Variants in TCF12 observed in about 807,000 individuals in gnomAD.
The protein encoded by TCF12 is DNA-binding protein HTF4.
In TCF12, 45 loss-of-function variants were observed where a neutral mutation model predicts 86.0. The ratio of observed to expected loss-of-function variants is 0.52; its 90% CI spans 0.41 to 0.67. The LOEUF (loss-of-function observed/expected upper bound fraction) is 0.67, where lower values mean the gene tolerates loss of function less well. Ranked by LOEUF, TCF12 falls within the 30% of genes least tolerant of loss-of-function variation. The pLI is 0.00. For synonymous variants in TCF12, 330 were observed against 299.6 expected (o/e 1.10, Z -1.05); for missense variants, 881 against 859.9 (o/e 1.02, Z -0.31).
At chr15:57,159,428 G>A (rs1222316628) in intron 5 of TCF12, among the ~76,000 whole-genome samples, 3 of 152,098 alleles carry the variant, frequency 2.0e-5, no homozygotes, top group Non-Finnish European at 4.4e-5. Context: ...GGTTCTCCAC[G>A]AGCAAAAAGG....
At chr15:57,268,638 C>A (rs1436648881) in intron 18 of TCF12, among the ~76,000 whole-genome samples, 1 of 152,096 alleles carries the variant, frequency 6.6e-6, no homozygotes. Flanking sequence ...TTTCAAGGTT[C>A]TGAGAAGCTG....
At chr15:57,241,447 C>A (rs1442673218) in intron 12 of TCF12, among the ~76,000 whole-genome samples, 1 of 152,060 alleles carries the variant, frequency 6.6e-6, no homozygotes, top group African/African-American at 2.4e-5. Flanking sequence ...GTGTTTTGAA[C>A]TCTTTTCCAT....
intron 19 of TCF12, among the ~76,000 whole-genome samples, chr15:57,278,209 T>C (rs537376739): frequency 1.3e-5 from 2 of 152,172 alleles, no homozygotes; most frequent in African/African-American, 2.4e-5. Flanking sequence ...ACAAATGTTA[T>C]AGAATCCAGG....
intron 8 of TCF12, chr15:57,219,185 G>A: frequency 9.2e-7 from 1 of 1,085,160 alleles, no homozygotes; most frequent in East Asian, 4.7e-5. Flanking sequence ...ATGTATATAT[G>A]AGACAAATCT....
At chr15:57,033,713 A>T (rs1567291424) in intron 3 of TCF12, among the ~76,000 whole-genome samples, 1 of 152,214 alleles carries the variant, frequency 6.6e-6, no homozygotes. Flanking sequence ...ATGATATATT[A>T]GTAAAAATTA....
chr15:57,057,730 G>A (rs773018770), intron 3 of TCF12, among the ~76,000 whole-genome samples: 8 of 152,166 alleles, frequency 5.3e-5, no homozygotes, highest in Non-Finnish European at 1.2e-4. Flanking sequence ...GCACAGGATG[G>A]ACATGATTTG....
intron 13 of TCF12, among the ~76,000 whole-genome samples, chr15:57,248,863 T>C (rs1226776049): frequency 6.6e-6 from 1 of 152,230 alleles, no homozygotes; most frequent in Non-Finnish European, 1.5e-5. Context: ...CACATCTTGA[T>C]TCCTCAATAT....
At chr15:57,179,234 C>T (rs987389779) in intron 6 of TCF12, among the ~76,000 whole-genome samples, 1 of 152,118 alleles carries the variant, frequency 6.6e-6, no homozygotes, top group Non-Finnish European at 1.5e-5. Context: ...TGCCTGTAAT[C>T]CCAGCATTTT....
intron 3 of TCF12, among the ~76,000 whole-genome samples, chr15:56,946,849 G>T (rs889023190): frequency 2.2e-5 from 3 of 136,712 alleles, no homozygotes; most frequent in Non-Finnish European, 4.6e-5. Flanking sequence ...TGCCCATGCT[G>T]GAGTGTACCA....
intron 4 of TCF12, among the ~76,000 whole-genome samples, chr15:57,089,955 C>T (rs1288154624): frequency 3.9e-5 from 6 of 152,138 alleles, no homozygotes; most frequent in Non-Finnish European, 8.8e-5. Flanking sequence ...TGGCTCAGGC[C>T]TGTAATTCCA....
intron 3 of TCF12, among the ~76,000 whole-genome samples, chr15:57,009,712 G>A (rs2064703383): frequency 6.6e-6 from 1 of 152,152 alleles, no homozygotes. Flanking sequence ...AGTTCACGTA[G>A]GACATTTCTT....
chr15:57,253,705 G>T (rs954540544), intron 16 of TCF12, among the ~76,000 whole-genome samples: 1 of 152,126 alleles, frequency 6.6e-6, no homozygotes, highest in African/African-American at 2.4e-5. Flanking sequence ...CTAAAACTTG[G>T]ATTTTTTTCC....
intron 5 of TCF12, among the ~76,000 whole-genome samples, chr15:57,103,048 T>A (rs748989446): frequency 6.6e-6 from 1 of 152,142 alleles, no homozygotes; most frequent in African/African-American, 2.4e-5. Context: ...AGAGAAGCCT[T>A]CAAAGAACAG....
chr15:57,122,183 AT>A (rs34824462), intron 5 of TCF12, among the ~76,000 whole-genome samples: 75 of 144,030 alleles, frequency 5.2e-4, no homozygotes, highest in African/African-American at 1.4e-3. Flanking sequence ...GTCTTGCTTG[AT>A]TTTTTTTTTT....
At chr15:57,233,885 T>C (rs1221247996) in intron 11 of TCF12, among the ~76,000 whole-genome samples, 158 bp from the exon 12 acceptor site, 1 of 152,230 alleles carries the variant, frequency 6.6e-6, no homozygotes, top group African/African-American at 2.4e-5. Context: ...AGACCTCATC[T>C]TTAGTTTATT....
At chr15:57,092,852 C>T (rs775193424) in intron 5 of TCF12, among the ~76,000 whole-genome samples, 1 of 152,142 alleles carries the variant, frequency 6.6e-6, no homozygotes, top group Admixed American at 6.6e-5. Flanking sequence ...ATCTTAGAAT[C>T]GTCCTTTTAA....
intron 12 of TCF12, among the ~76,000 whole-genome samples, chr15:57,236,615 G>GTTT (rs1597518600): frequency 1.3e-5 from 2 of 152,258 alleles, no homozygotes; most frequent in East Asian, 3.9e-4. Context: ...TGAAACATCA[G>GTTT]AGGGTACAAC....
At chr15:57,134,689 A>G (rs941880090) in intron 5 of TCF12, among the ~76,000 whole-genome samples, 6 of 152,254 alleles carry the variant, frequency 3.9e-5, no homozygotes, top group South Asian at 2.1e-4. Flanking sequence ...AATGGCTTAT[A>G]TGAATCAGAT....
intron 5 of TCF12, among the ~76,000 whole-genome samples, chr15:57,097,500 C>G (rs2049409304): frequency 6.6e-6 from 1 of 151,772 alleles, no homozygotes; most frequent in African/African-American, 2.4e-5. Context: ...GTATTCCAGC[C>G]TGGGCAACAG....
Sources: allele counts gnomAD v4.1 joint callset (sites outside exome capture counted in the v4.1 genomes callset), GRCh38; gene constraint gnomAD v4.1.1; transcripts MANE v1.5; gene names NCBI Gene and HGNC (gene_info 2026-07-23, HGNC 2026-07-21).